Variants in ATP10B observed in about 807,000 individuals in gnomAD.
ATP10B encodes ATPase phospholipid transporting 10B (putative), also known as phospholipid-transporting ATPase VB.
In ATP10B, 122 loss-of-function variants were observed where a neutral mutation model predicts 141.2. That is an observed-to-expected ratio of 0.86 (90% CI 0.75 to 1.00). ATP10B has a LOEUF of 1.00. ATP10B is among the 50% of genes least tolerant of loss of function. The pLI is 0.00. For missense variants in ATP10B, 1,876 were observed against 1,825.3 expected (o/e 1.03, Z -0.51); for synonymous variants, 685 against 692.0 (o/e 0.99, Z 0.16).
At chr5:160,681,442 T>C (rs573838101) in intron 6 of ATP10B, among the ~76,000 whole-genome samples, 22 of 152,326 alleles carry the variant, frequency 1.4e-4, no homozygotes, top group African/African-American at 5.3e-4. Flanking sequence ...GCCTGCATTC[T>C]TACCTCAAGG....
At chr5:160,682,904 T>G (rs1763504858) in intron 6 of ATP10B, among the ~76,000 whole-genome samples, 1 of 151,496 alleles carries the variant, frequency 6.6e-6, no homozygotes, top group East Asian at 1.9e-4. Context: ...CCAGGCGTGA[T>G]GGCGGGCACC....
chr5:160,682,506 G>A lies in ATP10B; in HGVS notation c.470+3573C>T, dbSNP rs528010163. ...CAGCAGCCTGGCCTAGGTCCTGCCA[G>A]CTCCCAGCACAGATGAGTCTGTGGT... On this transcript the variant is annotated intron_variant, in intron 6 of 25. Transcript: ENST00000327245. Among the ~76,000 whole-genome samples the A allele has an allele frequency of 1.3e-4, 20 of 152,286 alleles. No homozygotes were observed. In the South Asian group the frequency reaches 3.9e-3, roughly 30 times the overall value.
intron 1 of ATP10B, among the ~76,000 whole-genome samples, chr5:160,795,999 C>G (rs775142648): frequency 5.3e-5 from 8 of 152,138 alleles, no homozygotes; most frequent in Non-Finnish European, 8.8e-5. Flanking sequence ...GACTGGGGGT[C>G]ATTCTGCCCC....
Position 160,781,325 on chromosome 5 carries a change from T to C in ATP10B, c.-331+4234A>G, listed in dbSNP as rs527974831. Among the ~76,000 whole-genome samples, 3 of 152,260 alleles carry C rather than the reference T, an allele frequency of 2.0e-5. No individual in the cohort carries two copies. The South Asian group carries it at 6.2e-4, about 32-fold the overall frequency. On this transcript the variant is annotated intron_variant, in intron 2 of 25. Transcript: ENST00000327245. Reference sequence around the variant, plus strand: ...GCAGATCTCACTTTGAATTGCCAAATAGCAATCGCCCTTTTGCCTTGGGGA... The same window carrying C: ...GCAGATCTCACTTTGAATTGCCAAACAGCAATCGCCCTTTTGCCTTGGGGA...
the ATP10B span, among the ~76,000 whole-genome samples, chr5:160,924,500 G>C: frequency 2.4e-4 from 37 of 152,254 alleles, no homozygotes; most frequent in African/African-American, 8.4e-4. Context: ...TATTACATGG[G>C]AAGCACCTGA....
At chr5:160,842,004 C>A (rs191295682) in intron 1 of ATP10B, among the ~76,000 whole-genome samples, 177 of 152,272 alleles carry the variant, frequency 1.2e-3, no homozygotes, top group Non-Finnish European at 9.4e-4. Flanking sequence ...GGATTACAGG[C>A]ATGAGCCATC....
chr5:160,804,563 C>T (rs1278369711), intron 1 of ATP10B, among the ~76,000 whole-genome samples: 2 of 152,192 alleles, frequency 1.3e-5, no homozygotes, highest in Non-Finnish European at 1.5e-5. Flanking sequence ...GGATTCTAAC[C>T]CAGGTTCATA....
At chr5:160,919,421 C>CA in the ATP10B span, among the ~76,000 whole-genome samples, 2 of 151,912 alleles carry the variant, frequency 1.3e-5, no homozygotes, top group African/African-American at 4.8e-5. Context: ...AGCAAGTACT[C>CA]AATCCAGTGG....
At chr5:160,761,359 G>T (rs1324246712) in intron 2 of ATP10B, among the ~76,000 whole-genome samples, 2 of 152,194 alleles carry the variant, frequency 1.3e-5, no homozygotes, top group Admixed American at 6.5e-5. Context: ...CCTGAAGATG[G>T]ATCACATCAC....
At chr5:160,815,882 C>T (rs1050435060) in intron 1 of ATP10B, among the ~76,000 whole-genome samples, 7 of 152,106 alleles carry the variant, frequency 4.6e-5, no homozygotes, top group East Asian at 1.9e-4. Context: ...TCAACTACAT[C>T]GAAACTGAAC....
At chr5:160,600,583 T>C (rs1167931254) in intron 21 of ATP10B, among the ~76,000 whole-genome samples, 1 of 152,194 alleles carries the variant, frequency 6.6e-6, no homozygotes, top group Non-Finnish European at 1.5e-5. Context: ...ATGTAGTTAA[T>C]CTTAGCTCTA....
At chr5:160,869,206 A>G in the ATP10B span, among the ~76,000 whole-genome samples, 1 of 152,114 alleles carries the variant, frequency 6.6e-6, no homozygotes, top group African/African-American at 2.4e-5. Flanking sequence ...TAAATACTCA[A>G]ATTGCAGTTG....
intron 1 of ATP10B, among the ~76,000 whole-genome samples, chr5:160,800,711 C>T (rs907895201): frequency 6.6e-6 from 1 of 152,208 alleles, no homozygotes; most frequent in African/African-American, 2.4e-5. Context: ...TCTTTCTTCA[C>T]TGGATTCCAC....
At chr5:160,664,190 G>T (rs528395065) in intron 7 of ATP10B, among the ~76,000 whole-genome samples, 2 of 152,220 alleles carry the variant, frequency 1.3e-5, no homozygotes, top group Non-Finnish European at 2.9e-5. Context: ...ACAGGTCCCA[G>T]TGCAAATCTA....
chr5:160,567,680 G>A (rs1411816640), intron 25 of ATP10B, among the ~76,000 whole-genome samples: 3 of 152,112 alleles, frequency 2.0e-5, no homozygotes, highest in South Asian at 2.1e-4. Context: ...TGAAGCTTGG[G>A]GAGTGATAAG....
intron 2 of ATP10B, among the ~76,000 whole-genome samples, chr5:160,728,174 C>A (rs1412150850): frequency 6.6e-6 from 1 of 152,028 alleles, no homozygotes; most frequent in Non-Finnish European, 1.5e-5. Context: ...TAAAGTCTCA[C>A]AAGAATGTAA....
the ATP10B span, among the ~76,000 whole-genome samples, chr5:160,912,251 A>G: frequency 3.3e-5 from 5 of 152,106 alleles, no homozygotes; most frequent in Admixed American, 1.3e-4. Flanking sequence ...TGAGACATTG[A>G]GGTGAAAATG....
intron 2 of ATP10B, among the ~76,000 whole-genome samples, chr5:160,755,787 C>A (rs1173902418): frequency 4.6e-5 from 6 of 131,274 alleles, no homozygotes; most frequent in Non-Finnish European, 9.4e-5. Context: ...TGCACTCCAG[C>A]CTGGGCGACA....
intron 2 of ATP10B, among the ~76,000 whole-genome samples, chr5:160,755,571 T>G (rs1016425165): frequency 7.3e-5 from 11 of 150,552 alleles, no homozygotes; most frequent in African/African-American, 2.7e-4. Flanking sequence ...ATCCCAGCAC[T>G]TTGGGAGGCC....
Sources: gnomAD v4.1 joint callset for allele counts (sites outside exome capture counted in the v4.1 genomes callset) on GRCh38, gnomAD v4.1.1 for gene constraint, MANE v1.5 for transcripts, NCBI Gene and HGNC (gene_info 2026-07-23, HGNC 2026-07-21) for gene names.